TALDO1: variants seen among roughly 807,000 people sequenced by gnomAD.
TALDO1 encodes transaldolase.
Under a neutral mutation model 38.1 loss-of-function variants are expected in TALDO1, and 29 were observed. That is an observed-to-expected ratio of 0.76 (90% CI 0.57 to 1.04). The LOEUF (loss-of-function observed/expected upper bound fraction) is 1.04. Ranked by LOEUF, TALDO1 falls within the 50% of genes least tolerant of loss-of-function variation. The pLI is 0.00. For synonymous variants in TALDO1, 207 were observed against 176.8 expected (o/e 1.17, Z -1.36); for missense variants, 499 against 438.1 (o/e 1.14, Z -1.24).
At position 748,232 on chromosome 11, in the gene TALDO1, G is replaced by A. The variant is rs149163887; in HGVS notation, c.97+654G>A. Among the ~76,000 whole-genome samples the A allele has an allele frequency of 8.9e-4, 136 of 152,336 alleles. 3 individuals are homozygous for A. The highest frequency in any genetic ancestry group is 3.1e-3 in the African/African-American group (127 of 41,586). ...AGCTGCCAGTGCTGCCATCGCCCTT[G>A]AGCCCTGCGGTGCCCAGTGGGACAA... On this transcript the variant is annotated intron_variant, in intron 1 of 7. Coordinates refer to ENST00000319006, the MANE Select transcript of TALDO1 (RefSeq NM_006755.2).
chr11:761,781 A>G (rs1862928537), intron 4 of TALDO1, among the ~76,000 whole-genome samples: 1 of 152,030 alleles, frequency 6.6e-6, no homozygotes, highest in African/African-American at 2.4e-5. Context: ...GGCTCAAGCT[A>G]TCTTTCCACC....
intron 1 of TALDO1, among the ~76,000 whole-genome samples, chr11:754,065 AC>A (rs1231326488): frequency 6.7e-6 from 1 of 150,324 alleles, no homozygotes; most frequent in Non-Finnish European, 1.5e-5. Context: ...GCTCACTGCA[AC>A]CTCCACCTCC....
intron 2 of TALDO1, among the ~76,000 whole-genome samples, 197 bp from the exon 3 acceptor site, chr11:758,753 C>T (rs948510883): frequency 2.0e-5 from 3 of 152,138 alleles, no homozygotes; most frequent in South Asian, 2.1e-4. Context: ...TACAGGCACC[C>T]GCCACCATGC....
intron 1 of TALDO1, among the ~76,000 whole-genome samples, chr11:751,079 G>C (rs1172199463): frequency 3.3e-5 from 5 of 151,904 alleles, no homozygotes; most frequent in East Asian, 1.9e-4. Context: ...TTTGAGACAG[G>C]GTCTTGCTCT....
chr11:760,390 T>C, intron 4 of TALDO1, 137 bp downstream of exon 4: 1 of 1,328,648 alleles, frequency 7.5e-7, no homozygotes, highest in Non-Finnish European at 1.1e-6. Context: ...CAGCTTGGAC[T>C]TGACCAGCTC....
chr11:762,090 G>A (rs141136279), intron 4 of TALDO1, among the ~76,000 whole-genome samples: 6 of 151,958 alleles, frequency 3.9e-5, no homozygotes, highest in East Asian at 3.9e-4. Context: ...CTCAGCCTCC[G>A]GAGTAGCTGG....
At position 755,931 on chromosome 11, in the gene TALDO1, G is replaced by A; in HGVS notation, c.150G>A (p.Leu50=). 6.2e-7 allele frequency: 1 copy of A among 1,614,172 alleles called. No individual in the cohort carries two copies. The highest frequency in any genetic ancestry group is 8.5e-7 in the Non-Finnish European group (1 of 1,180,044). The part of the protein sequence containing the change: ...QDATTNPSLI[L]AAAQMPAYQE... ...CTACCACCAACCCGTCCCTGATCCT[G>A]GCCGCAGCACAGATGCCCGCTTACC... Residue 50 remains leucine (L), a synonymous_variant, in exon 2 of 8, where the codon CTG becomes CTA. Coordinates refer to ENST00000319006, the MANE Select transcript of TALDO1 (RefSeq NM_006755.2).
chr11:747,982 T>A (rs753314163), intron 1 of TALDO1, among the ~76,000 whole-genome samples: 10 of 151,994 alleles, frequency 6.6e-5, no homozygotes, highest in Non-Finnish European at 1.2e-4. Flanking sequence ...CAGGGTGGGG[T>A]CGGCTGCGCC....
intron 1 of TALDO1, chr11:755,644 G>T: frequency 3.5e-6 from 2 of 568,870 alleles, no homozygotes; most frequent in Non-Finnish European, 6.3e-6. Flanking sequence ...ACCTCTTGCA[G>T]GGGCATATTT....
At chr11:763,187 C>T (rs1862971451) in intron 4 of TALDO1, among the ~76,000 whole-genome samples, 157 bp from the exon 5 acceptor site, 1 of 115,160 alleles carries the variant, frequency 8.7e-6, no homozygotes, top group African/African-American at 3.3e-5. Flanking sequence ...CTGCATTCAC[C>T]TGCCCCGCCC....
Position 764,350 on chromosome 11 carries a change from G to A in TALDO1, c.898G>A (p.Glu300Lys), listed in dbSNP as rs1804554. ...GAAGTCTTTCCGTTGGTTGCACAAC[G>A]AGGACCAGATGGCTGTGGAGAAGCT... ...DEKSFRWLHN[E>K]DQMAVEKLSD... Residue 300 changes from glutamate (E) to lysine (K), a missense_variant, in exon 7 of 8, where the codon GAG (glutamate) becomes AAG (lysine). Transcript: ENST00000319006. The A allele has an allele frequency of 2.8e-5, 45 of 1,614,162 alleles. No individual in the cohort carries two copies. Among genetic ancestry groups the A allele is most frequent in the Admixed American group, 8.3e-5 (5 of 60,010 alleles).
chr11:759,105 G>C, intron 3 of TALDO1, 48 bp downstream of exon 3: 2 of 1,484,698 alleles, frequency 1.3e-6, no homozygotes, highest in Non-Finnish European at 1.9e-6. Context: ...GGTGTCCACA[G>C]TTGCACACGT....
At chr11:757,289 ATTTTTT>A (rs555623617) in intron 2 of TALDO1, among the ~76,000 whole-genome samples, 1 of 135,596 alleles carries the variant, frequency 7.4e-6, no homozygotes, top group Non-Finnish European at 1.6e-5. Context: ...ATGGCCCCAA[ATTTTTT>A]TTTTTTTTTT....
At chr11:758,904 G>A (rs772797515) in intron 2 of TALDO1, 46 bp from the exon 3 acceptor site, 64 of 1,552,344 alleles carry the variant, frequency 4.1e-5, no homozygotes, top group Middle Eastern at 1.7e-4. Context: ...CGCACCTGGC[G>A]AACCTCAGAA....
chr11:750,318 C>G (rs540160773), intron 1 of TALDO1, among the ~76,000 whole-genome samples: 4 of 152,022 alleles, frequency 2.6e-5, no homozygotes, highest in Admixed American at 2.6e-4. Flanking sequence ...AACCCCATCT[C>G]TACAAAAAGG....
At chr11:756,309 G>C in intron 2 of TALDO1, 1 of 393,670 alleles carries the variant, frequency 2.5e-6, no homozygotes, top group Admixed American at 3.9e-5. Context: ...AGTCTCCCCA[G>C]CTCTGGTAAC....
chr11:761,632 G>A (rs541711745), intron 4 of TALDO1, among the ~76,000 whole-genome samples: 11 of 152,352 alleles, frequency 7.2e-5, no homozygotes. Context: ...GCATCAGGAA[G>A]AGGTGTTTTG....
intron 1 of TALDO1, among the ~76,000 whole-genome samples, chr11:748,252 G>T (rs1862692482): frequency 6.6e-6 from 1 of 152,210 alleles, no homozygotes; most frequent in Admixed American, 6.5e-5. Context: ...GTGCCCAGTG[G>T]GACAACTCCG....
rs556421092 is a variant in TALDO1, at chr11:761,934, G to A, written c.462-1410G>A. Among the ~76,000 whole-genome samples, 37 of 152,116 alleles carry A rather than the reference G, an allele frequency of 2.4e-4. 1 individual carries two copies. The highest frequency in any genetic ancestry group is 3.7e-4 in the Non-Finnish European group (25 of 68,016). On this transcript the variant is annotated intron_variant, in intron 4 of 7. Coordinates refer to ENST00000319006, the MANE Select transcript of TALDO1 (RefSeq NM_006755.2). The stretch of plus-strand genomic sequence containing the variant: ...CCCAAAGTGCTGGGATTATAGGCAT[G>A]AGCCATTGTGCCTGGCCTCATTTGT...
Sources: gnomAD v4.1 joint callset for allele counts (sites outside exome capture counted in the v4.1 genomes callset) on GRCh38, gnomAD v4.1.1 for gene constraint, MANE v1.5 for transcripts, NCBI Gene and HGNC (gene_info 2026-07-23, HGNC 2026-07-21) for gene names.